Variants in OXR1 observed in about 807,000 individuals in gnomAD.
OXR1 encodes oxidation resistance 1, also known as oxidation resistance protein 1.
A neutral mutation model predicts 104.6 loss-of-function variants in OXR1; 41 were observed. The ratio of observed to expected loss-of-function variants is 0.39; its 90% confidence interval spans 0.31 to 0.51. The LOEUF is 0.51. Ranked by LOEUF, OXR1 falls within the 20% of genes least tolerant of loss-of-function variation. The pLI is 0.77. For missense variants in OXR1, 955 were observed against 1,031.9 expected, an observed-to-expected ratio of 0.93 and a Z score of 1.02; for synonymous variants, 348 against 348.4, an observed-to-expected ratio of 1.00 and a Z score of 0.01.
chr8:106,586,456 G>A (rs1466395932), intron 3 of OXR1, among the ~76,000 whole-genome samples: 1 of 152,168 alleles, frequency 6.6e-6, no homozygotes, highest in Non-Finnish European at 1.5e-5. Flanking sequence ...GAGAATTCAG[G>A]AGTTTACTTC....
At chr8:106,301,820 C>G (rs1273097426) in intron 1 of OXR1, among the ~76,000 whole-genome samples, 1 of 151,572 alleles carries the variant, frequency 6.6e-6, no homozygotes, top group Non-Finnish European at 1.5e-5. Flanking sequence ...AATATCGAGC[C>G]TTTTTTTTCA....
At chr8:106,321,520 A>G (rs541868361) in intron 1 of OXR1, among the ~76,000 whole-genome samples, 4 of 152,294 alleles carry the variant, frequency 2.6e-5, no homozygotes, top group South Asian at 2.1e-4. Flanking sequence ...TGGGCCAAAC[A>G]GCCCTACATT....
chr8:106,350,079 C>A (rs1414189595), intron 1 of OXR1, among the ~76,000 whole-genome samples: 3 of 152,014 alleles, frequency 2.0e-5, no homozygotes, highest in Non-Finnish European at 4.4e-5. Flanking sequence ...ACAGCTGAGG[C>A]AAGGAAAGAT....
chr8:106,387,385 T>G (rs1817418274), intron 2 of OXR1, among the ~76,000 whole-genome samples: 1 of 152,172 alleles, frequency 6.6e-6, no homozygotes, highest in Non-Finnish European at 1.5e-5. Context: ...ACAGAAACTC[T>G]CTCTCTCTCC....
intron 1 of OXR1, among the ~76,000 whole-genome samples, chr8:106,294,275 G>A (rs991744992): frequency 6.6e-6 from 1 of 151,016 alleles, no homozygotes; most frequent in South Asian, 2.1e-4. Flanking sequence ...ATGTGCCTGT[G>A]ATCCCAGCTA....
At chr8:106,526,665 CCCGAGTAGCT>C (rs1451991524) in intron 3 of OXR1, among the ~76,000 whole-genome samples, 2 of 152,224 alleles carry the variant, frequency 1.3e-5, no homozygotes, top group Non-Finnish European at 2.9e-5. Flanking sequence ...GCCTCAGCCT[CCCGAGTAGCT>C]GGGACTACAG....
chr8:106,432,413 G>A (rs975824289), intron 2 of OXR1, among the ~76,000 whole-genome samples: 2 of 152,118 alleles, frequency 1.3e-5, no homozygotes, highest in Non-Finnish European at 2.9e-5. Context: ...CCGTGCTCCA[G>A]GCACTCCTGG....
intron 3 of OXR1, among the ~76,000 whole-genome samples, chr8:106,614,883 T>C (rs956947534): frequency 1.3e-5 from 2 of 152,232 alleles, no homozygotes; most frequent in Admixed American, 6.5e-5. Context: ...GTAGATAGTA[T>C]TACTATACCA....
intron 11 of OXR1, among the ~76,000 whole-genome samples, chr8:106,732,807 C>A (rs1243313862): frequency 6.6e-6 from 1 of 152,050 alleles, no homozygotes; most frequent in African/African-American, 2.4e-5. Flanking sequence ...AGAATTTTTG[C>A]ATATATGTTA....
chr8:106,307,822 T>A (rs1416991905), intron 1 of OXR1, among the ~76,000 whole-genome samples: 2 of 152,184 alleles, frequency 1.3e-5, no homozygotes, highest in African/African-American at 4.8e-5. Context: ...GATCTCAAGA[T>A]GTTAGGTCAA....
chr8:106,589,631 GA>G (rs1818924421), intron 3 of OXR1, among the ~76,000 whole-genome samples: 1 of 152,134 alleles, frequency 6.6e-6, no homozygotes, highest in African/African-American at 2.4e-5. Flanking sequence ...CTTGGAACTA[GA>G]CTGTGATGAG....
chr8:106,337,495 A>T (rs1644075450), intron 1 of OXR1, among the ~76,000 whole-genome samples: 1 of 152,210 alleles, frequency 6.6e-6, no homozygotes, highest in African/African-American at 2.4e-5. Context: ...CCAGACGAGG[A>T]TCACACAACT....
rs191356710 is a variant in OXR1, at chr8:106,546,905, A to G, written c.220+27766A>G. Among the ~76,000 whole-genome samples the G allele has an allele frequency of 2.5e-3, 383 of 152,068 alleles. 7 individuals carry two copies. Among genetic ancestry groups the G allele is most frequent in the Admixed American group, 0.02 (310 of 15,270 alleles). ...TTACTATTTTAACCTGTTTGTTTTT[A>G]TTTTTTAGACGGAGTCTCACTATGT... On this transcript the variant is annotated intron_variant, in intron 3 of 16. Transcript: ENST00000517566.
At chr8:106,288,848 T>C (rs1812623044) in intron 1 of OXR1, among the ~76,000 whole-genome samples, 1 of 151,754 alleles carries the variant, frequency 6.6e-6, no homozygotes, top group African/African-American at 2.4e-5. Context: ...ATTTTCATTC[T>C]GAATTTCAGG....
At position 106,449,965 on chromosome 8, in the gene OXR1, T is replaced by A. The variant is rs565949972; in HGVS notation, c.24-68978T>A. On this transcript the variant is annotated intron_variant, in intron 2 of 16. Transcript: ENST00000517566. ...GCACACTTTTAAACAAAAATAACAA[T>A]ATAAACATTACTCTGAAACTTGATA... Among the ~76,000 whole-genome samples the A allele has an allele frequency of 4.9e-4, 74 of 152,278 alleles. 2 individuals carry two copies. In the South Asian group the frequency reaches 0.015, roughly 32 times the overall value.
At chr8:106,576,482 A>AAAG (rs1554596961) in intron 3 of OXR1, among the ~76,000 whole-genome samples, 5 of 144,746 alleles carry the variant, frequency 3.5e-5, no homozygotes, top group Non-Finnish European at 6.0e-5. Context: ...AAAAAAAAAA[A>AAAG]AAAGAAAACA....
intron 2 of OXR1, among the ~76,000 whole-genome samples, chr8:106,433,581 C>G (rs13270670): frequency 0.23 from 34,416 of 152,096 alleles, 5,417 homozygotes; most frequent in African/African-American, 0.42. Context: ...AAACTTAGTT[C>G]CGTCTATGCC....
At chr8:106,710,014 GT>G (rs765145019) in intron 9 of OXR1, among the ~76,000 whole-genome samples, 11 of 152,026 alleles carry the variant, frequency 7.2e-5, no homozygotes, top group Non-Finnish European at 1.5e-4. Flanking sequence ...CAATGTCTGG[GT>G]TCCTAAATTC....
chr8:106,321,141 G>A (rs1227450641), intron 1 of OXR1, among the ~76,000 whole-genome samples: 3 of 152,156 alleles, frequency 2.0e-5, no homozygotes, highest in East Asian at 3.8e-4. Flanking sequence ...CAAATAAGAA[G>A]TTAAAAAATA....
Sources: gnomAD v4.1 joint callset for allele counts (sites outside exome capture counted in the v4.1 genomes callset) on GRCh38, gnomAD v4.1.1 for gene constraint, MANE v1.5 for transcripts, NCBI Gene and HGNC (gene_info 2026-07-23, HGNC 2026-07-21) for gene names.